SMG6: variants seen among roughly 807,000 people sequenced by gnomAD.
The protein encoded by SMG6 is SMG6 nonsense mediated mRNA decay factor.
Under a neutral mutation model 142.2 loss-of-function variants are expected in SMG6, and 66 were observed. The ratio of observed to expected loss-of-function variants is 0.46; its 90% CI spans 0.38 to 0.57. The LOEUF is 0.57. SMG6 is among the 20% of genes least tolerant of loss of function. The probability of loss-of-function intolerance (pLI) is 0.00; values close to 1 mark genes in which losing one functional copy is unlikely to be tolerated. For missense variants in SMG6, 1,793 were observed against 1,832.0 expected, an observed-to-expected ratio of 0.98 and a Z score of 0.39; for synonymous variants, 779 against 702.4, an observed-to-expected ratio of 1.11 and a Z score of -1.72.
At chr17:2,072,592 TG>T (rs1472066135) in intron 15 of SMG6, among the ~76,000 whole-genome samples, 1 of 152,162 alleles carries the variant, frequency 6.6e-6, no homozygotes, top group Non-Finnish European at 1.5e-5. Context: ...ACGGTGGAGA[TG>T]ATCTTATGAT....
At chr17:2,235,255 G>A (rs1414423032) in intron 10 of SMG6, among the ~76,000 whole-genome samples, 1 of 152,168 alleles carries the variant, frequency 6.6e-6, no homozygotes, top group Non-Finnish European at 1.5e-5. Context: ...TAAGCCCCTG[G>A]ATCTCACTTT....
chr17:2,271,524 G>A (rs2074542926), intron 8 of SMG6, among the ~76,000 whole-genome samples: 1 of 148,096 alleles, frequency 6.8e-6, no homozygotes. Flanking sequence ...GACCAGCCTG[G>A]CCAACACGGT....
intron 10 of SMG6, among the ~76,000 whole-genome samples, chr17:2,209,048 C>G (rs1047473386): frequency 1.3e-5 from 2 of 151,904 alleles, no homozygotes; most frequent in Admixed American, 6.6e-5. Context: ...GTCTGTGGTC[C>G]CAGATACTGG....
chr17:2,206,930 T>G (rs2072699693), intron 10 of SMG6, among the ~76,000 whole-genome samples: 1 of 149,834 alleles, frequency 6.7e-6, no homozygotes, highest in Non-Finnish European at 1.5e-5. Flanking sequence ...ATAAAACAAA[T>G]AAAGATGAAA....
chr17:2,247,954 G>A (rs1046630421), intron 8 of SMG6, among the ~76,000 whole-genome samples: 1 of 148,836 alleles, frequency 6.7e-6, no homozygotes, highest in Non-Finnish European at 1.5e-5. Context: ...ACAAACAAAC[G>A]AAACAGCCAG....
chr17:2,153,978 T>A (rs552053786), intron 13 of SMG6, among the ~76,000 whole-genome samples: 1 of 100,624 alleles, frequency 9.9e-6, no homozygotes. Flanking sequence ...TGGGGATGCA[T>A]GTAGAGTGTG....
At chr17:2,200,352 T>C (rs2072478970) in intron 10 of SMG6, among the ~76,000 whole-genome samples, 1 of 152,176 alleles carries the variant, frequency 6.6e-6, no homozygotes, top group Admixed American at 6.5e-5. Context: ...ATTTAAGCCC[T>C]GTATTCCTTA....
intron 12 of SMG6, among the ~76,000 whole-genome samples, chr17:2,181,737 T>TG (rs2071812990): frequency 6.6e-6 from 1 of 152,254 alleles, no homozygotes; most frequent in African/African-American, 2.4e-5. Context: ...TTGGACCACG[T>TG]GCCTGCCTGT....
chr17:2,142,966 A>G (rs540609737), intron 13 of SMG6, among the ~76,000 whole-genome samples: 1 of 152,110 alleles, frequency 6.6e-6, no homozygotes, highest in African/African-American at 2.4e-5. Context: ...CACTGAACAC[A>G]TGAAAAGCTG....
chr17:2,244,306 T>G (rs923095468), intron 9 of SMG6, among the ~76,000 whole-genome samples: 3 of 152,152 alleles, frequency 2.0e-5, no homozygotes, highest in Non-Finnish European at 4.4e-5. Flanking sequence ...CCCTGACAGC[T>G]GCACCCAGGG....
At chr17:2,101,831 G>A (rs1231485438) in intron 13 of SMG6, among the ~76,000 whole-genome samples, 1 of 152,234 alleles carries the variant, frequency 6.6e-6, no homozygotes, top group Non-Finnish European at 1.5e-5. Context: ...CTCAGGAAAT[G>A]CAGCCAGTAA....
rs141739932 is a variant in SMG6 at position 2,231,422 on chromosome 17, G to C, written c.2869+5070C>G. On this transcript the variant is annotated intron_variant, in intron 10 of 18. Transcript: ENST00000263073. ...CCATTCAAAGCAAGCATAAGGCTGG[G>C]TGCAGTGGCTCATGCCTGTAATCCC... Among the ~76,000 whole-genome samples the C allele has an allele frequency of 3.2e-3, 494 of 152,306 alleles. 1 individual carries two copies. The highest frequency in any genetic ancestry group is 0.011 in the African/African-American group (469 of 41,566).
In SMG6 at chr17:2,282,752, G is replaced by A. The variant is rs2151379611; in HGVS notation, c.2556C>T (p.Arg852=). Residue 852 remains arginine, a synonymous_variant, in exon 8 of 19, where the codon CGC becomes CGT. Transcript: ENST00000263073. ...TFRHVGDDTT[R]LEIWIHPSHP... is the part of the protein sequence containing the mutation. The stretch of plus-strand genomic sequence containing the variant: ...GGGATGGATGAATCCAGATCTCCAG[G>A]CGAGTGGTGTCATCTCCAACATGCC... The A allele has an allele frequency of 1.2e-6, 2 of 1,614,172 alleles. No individual in the cohort carries two copies. Among genetic ancestry groups the A allele is most frequent in the African/African-American group, 2.7e-5 (2 of 75,028 alleles).
chr17:2,206,420 A>G (rs1341354426), intron 10 of SMG6, among the ~76,000 whole-genome samples: 1 of 151,804 alleles, frequency 6.6e-6, no homozygotes, highest in African/African-American at 2.4e-5. Flanking sequence ...AAAAAAATAA[A>G]TAAATAAAAT....
At chr17:2,126,977 C>G (rs527704379) in intron 13 of SMG6, among the ~76,000 whole-genome samples, 1 of 151,666 alleles carries the variant, frequency 6.6e-6, no homozygotes, top group African/African-American at 2.4e-5. Flanking sequence ...CGTGAACACA[C>G]GCGTGCATAT....
chr17:2,091,045 C>G (rs1401429403), intron 13 of SMG6, among the ~76,000 whole-genome samples: 1 of 152,124 alleles, frequency 6.6e-6, no homozygotes, highest in Non-Finnish European at 1.5e-5. Flanking sequence ...GGATTGGCCA[C>G]AAGAAATTTA....
rs562947224 is a variant in SMG6 at position 2,299,983 on chromosome 17, C to T, written c.770G>A (p.Arg257His). 3 of 1,614,078 alleles carry T rather than the reference C, an allele frequency of 1.9e-6. No homozygotes were observed. The highest frequency in any genetic ancestry group is 2.5e-6 in the Non-Finnish European group (3 of 1,180,024). ...GTTGCTGCCAGCTGAGCTGGTGCTG[C>T]GCGTGCGGTAGCGATTCCTTCGTTT... ...SDKRRNRYRT[R>H]STSSAGSNNS... Residue 257 changes from arginine to histidine, a missense_variant, in exon 2 of 19, where the codon CGC becomes CAC. Physicochemically the swap from Arg to His is conservative, Grantham distance 29 (BLOSUM62 0). Transcript: ENST00000263073. This position sits in a 1 kb window ranked among gnomAD's most constrained non-coding sequence, Gnocchi z 4.3.
At chr17:2,284,188 A>T (rs1054435032) in intron 6 of SMG6, among the ~76,000 whole-genome samples, 14 of 152,204 alleles carry the variant, frequency 9.2e-5, no homozygotes, top group Non-Finnish European at 2.1e-4. Flanking sequence ...AAAGACTCCA[A>T]GATTATTACA....
intron 15 of SMG6, among the ~76,000 whole-genome samples, chr17:2,073,983 G>A (rs1231672379): frequency 6.6e-6 from 1 of 151,950 alleles, no homozygotes; most frequent in Non-Finnish European, 1.5e-5. Context: ...GGAGGCTGAG[G>A]CAGGAGAATC....
Sources: allele counts gnomAD v4.1 joint callset (sites outside exome capture counted in the v4.1 genomes callset), GRCh38; gene constraint gnomAD v4.1.1; non-coding constraint Gnocchi (gnomAD v3.1); transcripts MANE v1.5; gene names NCBI Gene and HGNC (gene_info 2026-07-23, HGNC 2026-07-21).